The following ATP8B4 variants were observed in gnomAD, a reference collection of about 807,000 sequenced individuals.
ATP8B4 encodes the protein ATPase phospholipid transporting 8B4 (putative).
In ATP8B4, 133 loss-of-function variants were observed where a neutral mutation model predicts 145.6. That is an observed-to-expected ratio of 0.91 (90% CI 0.79 to 1.05). The LOEUF (loss-of-function observed/expected upper bound fraction) is 1.05, where lower values mean the gene tolerates loss of function less well. Ranked by LOEUF, ATP8B4 falls within the 50% of genes least tolerant of loss-of-function variation. ATP8B4 has a pLI of 0.00. For missense variants in ATP8B4, 1,458 were observed against 1,425.2 expected (o/e 1.02, Z -0.37); for synonymous variants, 507 against 492.9 (o/e 1.03, Z -0.38).
At chr15:50,144,098 T>C (rs2044246086) in intron 1 of ATP8B4, among the ~76,000 whole-genome samples, 1 of 152,188 alleles carries the variant, frequency 6.6e-6, no homozygotes, top group Admixed American at 6.5e-5. Context: ...GGAAACATAC[T>C]AGGTCAGGGT....
intron 1 of ATP8B4, among the ~76,000 whole-genome samples, chr15:50,170,062 G>A (rs2044649359): frequency 1.3e-5 from 2 of 152,252 alleles, no homozygotes; most frequent in South Asian, 2.1e-4. Context: ...ACTCATCAGT[G>A]TACCTGAGGA....
intron 2 of ATP8B4, among the ~76,000 whole-genome samples, chr15:50,099,777 G>A (rs1030284938): frequency 2.0e-5 from 3 of 152,040 alleles, no homozygotes; most frequent in Admixed American, 6.6e-5. Context: ...GGTGGCTCAC[G>A]CCTGTAATCC....
intron 6 of ATP8B4, among the ~76,000 whole-genome samples, chr15:50,037,263 T>C (rs1424568444): frequency 6.6e-6 from 1 of 152,236 alleles, no homozygotes; most frequent in Non-Finnish European, 1.5e-5. Context: ...GATGATTAGA[T>C]GTTCCTTGAG....
In ATP8B4 at chr15:50,030,048, G is replaced by C. The variant is rs187684496; in HGVS notation, c.362+8720C>G. Among the ~76,000 whole-genome samples, 18 of 152,288 alleles carry C rather than the reference G, an allele frequency of 1.2e-4. 1 individual carries two copies. The East Asian group carries it at 3.5e-3, about 29-fold the overall frequency. ...TTGGTTTGGTGTAGACAACCTTTGA[G>C]CTCTGAATGAAACCAAATTTCTTCA... On this transcript the variant is annotated intron_variant, in intron 6 of 27. Coordinates refer to ENST00000284509, the MANE Select transcript of ATP8B4 (RefSeq NM_024837.4).
intron 14 of ATP8B4, among the ~76,000 whole-genome samples, chr15:49,946,450 G>T (rs571328747): frequency 6.6e-6 from 1 of 152,282 alleles, no homozygotes; most frequent in Non-Finnish European, 1.5e-5. Context: ...TAAGCCAGTA[G>T]CCACAGATTA....
intron 1 of ATP8B4, among the ~76,000 whole-genome samples, chr15:50,158,753 T>C (rs1480616985): frequency 6.6e-6 from 1 of 152,266 alleles, no homozygotes; most frequent in African/African-American, 2.4e-5. Context: ...CATTTTGTTC[T>C]GTACTAAGAA....
chr15:49,907,965 C>G (rs998249214), intron 20 of ATP8B4: 1 of 440,764 alleles, frequency 2.3e-6, no homozygotes, highest in East Asian at 7.1e-5. Context: ...AAACACATGG[C>G]AAGTGCACAG....
At chr15:49,870,414 T>C (rs1430622441) in intron 25 of ATP8B4, among the ~76,000 whole-genome samples, 1 of 152,212 alleles carries the variant, frequency 6.6e-6, no homozygotes, top group Non-Finnish European at 1.5e-5. Context: ...TTTTGTACTC[T>C]TTGAAATGTT....
intron 26 of ATP8B4, among the ~76,000 whole-genome samples, chr15:49,864,773 G>A (rs957726517): frequency 5.9e-5 from 9 of 152,076 alleles, no homozygotes; most frequent in African/African-American, 2.2e-4. Context: ...CCATCACCAT[G>A]GTTAACATTT....
At chr15:49,961,491 GT>G (rs905687793) in intron 14 of ATP8B4, among the ~76,000 whole-genome samples, 1 of 152,042 alleles carries the variant, frequency 6.6e-6, no homozygotes, top group Non-Finnish European at 1.5e-5. Flanking sequence ...TATGTACACA[GT>G]TTTTTTGCTG....
chr15:49,938,105 C>A (rs560801998), intron 14 of ATP8B4, among the ~76,000 whole-genome samples: 1 of 152,114 alleles, frequency 6.6e-6, no homozygotes, highest in South Asian at 2.1e-4. Context: ...CAGGAGTTAC[C>A]CAGATAGAAA....
chr15:49,915,349 T>C (rs1056842153), intron 20 of ATP8B4, among the ~76,000 whole-genome samples: 5 of 152,124 alleles, frequency 3.3e-5, no homozygotes, highest in African/African-American at 7.2e-5. Flanking sequence ...GGTTAATTAG[T>C]ACAAACGTAT....
At chr15:49,983,005 T>C (rs1217482368) in intron 10 of ATP8B4, among the ~76,000 whole-genome samples, 3 of 152,110 alleles carry the variant, frequency 2.0e-5, no homozygotes, top group Non-Finnish European at 4.4e-5. Flanking sequence ...TCCCTTCCTG[T>C]CTTCCATGAT....
chr15:49,866,015 T>C (rs528825154), intron 26 of ATP8B4, among the ~76,000 whole-genome samples: 13 of 152,378 alleles, frequency 8.5e-5, no homozygotes, highest in African/African-American at 2.4e-4. Context: ...TTTCTTTTTC[T>C]TCTCTCTACC....
At chr15:50,104,285 T>A (rs894254077) in intron 2 of ATP8B4, among the ~76,000 whole-genome samples, 1 of 151,118 alleles carries the variant, frequency 6.6e-6, no homozygotes, top group African/African-American at 2.4e-5. Context: ...AATCAGCCAA[T>A]AGACAACCCA....
chr15:50,095,015 T>C (rs892463482), intron 2 of ATP8B4, among the ~76,000 whole-genome samples: 1 of 151,966 alleles, frequency 6.6e-6, no homozygotes, highest in Non-Finnish European at 1.5e-5. Flanking sequence ...GTAAGCAATA[T>C]AGAAGCCACT....
chr15:49,866,433 C>T lies in ATP8B4; in HGVS notation c.3079G>A (p.Gly1027Arg), dbSNP rs779564745. 1.2e-6 allele frequency: 2 copies of T among 1,613,476 alleles called. No homozygotes were observed. Among genetic ancestry groups the T allele is most frequent in the East Asian group, 2.2e-5 (1 of 44,858 alleles). ...WTFINHVFIW[G>R]SIAIYFSILF... The stretch of plus-strand genomic sequence containing the variant: ...ATGGAGAAATAAATGGCAATGCTCC[C>T]CCAGATGAAGACGTGATTAATGAAA... The change falls in exon 26 of 28, where the codon GGG becomes AGG. Residue 1027 changes from glycine to arginine, a missense_variant. Coordinates refer to ENST00000284509, the MANE Select transcript of ATP8B4 (RefSeq NM_024837.4).
chr15:50,130,686 G>C (rs1374886831), intron 1 of ATP8B4, among the ~76,000 whole-genome samples: 1 of 152,064 alleles, frequency 6.6e-6, no homozygotes, highest in African/African-American at 2.4e-5. Context: ...TGAGGCAGGA[G>C]AATTGCTTGA....
intron 14 of ATP8B4, among the ~76,000 whole-genome samples, chr15:49,957,373 TA>T (rs2043667643): frequency 1.3e-5 from 2 of 151,082 alleles, no homozygotes; most frequent in South Asian, 2.1e-4. Context: ...ACACACAGAG[TA>T]AAAGAAAGAG....
Sources: gnomAD v4.1 joint callset for allele counts (sites outside exome capture counted in the v4.1 genomes callset) on GRCh38, gnomAD v4.1.1 for gene constraint, MANE v1.5 for transcripts, NCBI Gene and HGNC (gene_info 2026-07-23, HGNC 2026-07-21) for gene names.